Variants in MACROD2 observed in about 807,000 individuals in gnomAD.
MACROD2 encodes mono-ADP ribosylhydrolase 2.
MACROD2 carries 36 observed loss-of-function variants against 70.4 expected under a neutral mutation model. The ratio of observed to expected loss-of-function variants is 0.51; its 90% CI spans 0.39 to 0.68. The LOEUF (loss-of-function observed/expected upper bound fraction) is 0.68. Ranked by LOEUF, MACROD2 falls within the 30% of genes least tolerant of loss-of-function variation. MACROD2 has a pLI of 0.00. For synonymous variants in MACROD2, 172 were observed against 178.8 expected (o/e 0.96, Z 0.30); for missense variants, 496 against 538.4 (o/e 0.92, Z 0.78).
intron 7 of MACROD2, among the ~76,000 whole-genome samples, chr20:15,494,777 G>A (rs908393929): frequency 8.7e-6 from 1 of 115,038 alleles, no homozygotes. Context: ...GTGTGTGTGT[G>A]CGCGCGTGTG....
intron 6 of MACROD2, among the ~76,000 whole-genome samples, chr20:15,271,674 G>A (rs1288191611): frequency 1.3e-5 from 2 of 152,168 alleles, no homozygotes; most frequent in African/African-American, 4.8e-5. Context: ...GAATGAATAT[G>A]AAGTGAAAGG....
intron 5 of MACROD2, among the ~76,000 whole-genome samples, chr20:14,755,152 G>A (rs1006500694): frequency 9.2e-5 from 14 of 152,096 alleles, no homozygotes; most frequent in African/African-American, 3.4e-4. Flanking sequence ...AGAAACCAGA[G>A]TGATGTGTGC....
chr20:15,938,851 T>C (rs1448317267), intron 12 of MACROD2, among the ~76,000 whole-genome samples: 1 of 152,206 alleles, frequency 6.6e-6, no homozygotes, highest in African/African-American at 2.4e-5. Context: ...TTAAAAGTGC[T>C]ACTCCAGTGG....
intron 5 of MACROD2, among the ~76,000 whole-genome samples, chr20:14,842,819 G>C (rs1030757950): frequency 6.6e-6 from 1 of 152,050 alleles, no homozygotes; most frequent in Admixed American, 6.6e-5. Context: ...AGTCTTCAGT[G>C]AAACAACAGA....
chr20:14,593,178 A>G (rs1428743400), intron 4 of MACROD2, among the ~76,000 whole-genome samples: 1 of 152,074 alleles, frequency 6.6e-6, no homozygotes, highest in Non-Finnish European at 1.5e-5. Flanking sequence ...TTCTTTTATG[A>G]GTGTGTTTTT....
chr20:15,882,442 C>T (rs184848445), intron 9 of MACROD2, among the ~76,000 whole-genome samples: 224 of 152,066 alleles, frequency 1.5e-3, no homozygotes, highest in African/African-American at 5.1e-3. Flanking sequence ...AACATCTGTC[C>T]AGGTGTGGTT....
chr20:14,411,064 A>G (rs1314058476), intron 3 of MACROD2, among the ~76,000 whole-genome samples: 3 of 152,114 alleles, frequency 2.0e-5, no homozygotes, highest in South Asian at 2.1e-4. Context: ...CCAGGTTGAG[A>G]GAGTGTATTG....
intron 3 of MACROD2, among the ~76,000 whole-genome samples, chr20:14,129,214 C>G (rs1321928387): frequency 6.6e-6 from 1 of 152,074 alleles, no homozygotes; most frequent in Non-Finnish European, 1.5e-5. Context: ...GGAAGGAGGT[C>G]ACAATATTAA....
At chr20:15,698,238 T>G (rs1308892530) in intron 8 of MACROD2, among the ~76,000 whole-genome samples, 1 of 152,192 alleles carries the variant, frequency 6.6e-6, no homozygotes, top group African/African-American at 2.4e-5. Flanking sequence ...GATCTAGAAC[T>G]CCTTTTAGCA....
At chr20:15,708,970 G>A (rs1482607414) in intron 8 of MACROD2, among the ~76,000 whole-genome samples, 1 of 152,142 alleles carries the variant, frequency 6.6e-6, no homozygotes, top group African/African-American at 2.4e-5. Context: ...AAGCTGCAGT[G>A]AGCTATGACT....
intron 5 of MACROD2, among the ~76,000 whole-genome samples, chr20:14,981,197 A>G (rs2074795791): frequency 6.6e-6 from 1 of 152,140 alleles, no homozygotes. Flanking sequence ...TAGTATATTC[A>G]GCTAACTCTG....
At chr20:15,395,437 T>C (rs181636310) in intron 6 of MACROD2, among the ~76,000 whole-genome samples, 2 of 152,326 alleles carry the variant, frequency 1.3e-5, no homozygotes, top group East Asian at 3.9e-4. Flanking sequence ...CATTTACTTA[T>C]TTATCATTTA....
intron 8 of MACROD2, among the ~76,000 whole-genome samples, chr20:15,561,991 C>A (rs951006794): frequency 2.0e-5 from 3 of 151,996 alleles, no homozygotes; most frequent in East Asian, 3.9e-4. Context: ...AAAAATCAGG[C>A]CTGACTTATT....
At chr20:15,180,687 G>A (rs565800957) in intron 5 of MACROD2, among the ~76,000 whole-genome samples, 6 of 152,174 alleles carry the variant, frequency 3.9e-5, no homozygotes, top group East Asian at 1.9e-4. Flanking sequence ...TCTACGCTCC[G>A]TGGTTACAGG....
chr20:14,449,919 A>G (rs2084226232), intron 3 of MACROD2, among the ~76,000 whole-genome samples: 1 of 152,100 alleles, frequency 6.6e-6, no homozygotes, highest in African/African-American at 2.4e-5. Context: ...AAATAAAGGT[A>G]CAGGTTTAAG....
chr20:14,798,000 A>T (rs2072531021), intron 5 of MACROD2, among the ~76,000 whole-genome samples: 1 of 152,128 alleles, frequency 6.6e-6, no homozygotes, highest in African/African-American at 2.4e-5. Flanking sequence ...CTTTCTGTGT[A>T]TGCAAAGGTC....
At chr20:15,895,130 C>T (rs766008798) in intron 10 of MACROD2, among the ~76,000 whole-genome samples, 13 of 152,194 alleles carry the variant, frequency 8.5e-5, no homozygotes, top group East Asian at 1.9e-4. Context: ...GCAGTTCTTC[C>T]GCCTTTAATT....
At chr20:14,142,184 A>G (rs2054885212) in intron 3 of MACROD2, among the ~76,000 whole-genome samples, 1 of 152,032 alleles carries the variant, frequency 6.6e-6, no homozygotes, top group Admixed American at 6.6e-5. Context: ...TTTATTCACC[A>G]TGTTTTTAGT....
chr20:16,020,122 T>A (rs1414563102), intron 15 of MACROD2, among the ~76,000 whole-genome samples: 1 of 152,196 alleles, frequency 6.6e-6, no homozygotes, highest in African/African-American at 2.4e-5. Flanking sequence ...TCCCATGGCC[T>A]TCTGAATGAC....
Sources: allele counts gnomAD v4.1 joint callset (sites outside exome capture counted in the v4.1 genomes callset), GRCh38; gene constraint gnomAD v4.1.1; transcripts MANE v1.5; gene names NCBI Gene and HGNC (gene_info 2026-07-23, HGNC 2026-07-21).